Variants in KATNIP observed in about 807,000 individuals in gnomAD.
The protein encoded by KATNIP is katanin interacting protein.
KATNIP carries 126 observed loss-of-function variants against 174.0 expected under a neutral mutation model. That is an observed-to-expected ratio of 0.72 (90% CI 0.63 to 0.84). KATNIP has a LOEUF of 0.84. KATNIP is among the 40% of genes least tolerant of loss of function. The probability of loss-of-function intolerance (pLI) is 0.00; values close to 1 mark genes in which losing one functional copy is unlikely to be tolerated. For missense variants in KATNIP, 1,958 were observed against 2,109.7 expected (o/e 0.93, Z 1.41); for synonymous variants, 810 against 835.7 (o/e 0.97, Z 0.53).
intron 14 of KATNIP, among the ~76,000 whole-genome samples, chr16:27,737,144 A>G (rs1030237831): frequency 6.6e-6 from 1 of 152,188 alleles, no homozygotes; most frequent in African/African-American, 2.4e-5. Context: ...TTGGGAGGCC[A>G]AGGCAGGAGG....
intron 27 of KATNIP, 88 bp from the exon 28 acceptor site, chr16:27,778,486 G>A (rs1282579481): frequency 5.1e-6 from 7 of 1,379,722 alleles, no homozygotes; most frequent in Non-Finnish European, 1.0e-6. Flanking sequence ...TGGCAACCCA[G>A]GCTGCTGGAT....
chr16:27,581,986 C>T (rs1242645264), intron 2 of KATNIP, among the ~76,000 whole-genome samples: 1 of 152,156 alleles, frequency 6.6e-6, no homozygotes, highest in Non-Finnish European at 1.5e-5. Flanking sequence ...TTTACCTACT[C>T]ATTGATTGGT....
chr16:27,581,968 A>G (rs2090717251), intron 2 of KATNIP, among the ~76,000 whole-genome samples: 1 of 152,076 alleles, frequency 6.6e-6, no homozygotes, highest in African/African-American at 2.4e-5. Flanking sequence ...TATACATACC[A>G]CAGTTTCTTT....
chr16:27,764,043 A>G (rs1186081598), intron 19 of KATNIP, among the ~76,000 whole-genome samples: 1 of 152,224 alleles, frequency 6.6e-6, no homozygotes, highest in African/African-American at 2.4e-5. Context: ...GTGATGTTGG[A>G]AGCCAGTCAT....
intron 2 of KATNIP, 48 bp downstream of exon 2, chr16:27,574,004 A>G (rs543628448): frequency 6.5e-7 from 1 of 1,541,810 alleles, no homozygotes; most frequent in Non-Finnish European, 9.0e-7. Flanking sequence ...TCTATTTGAA[A>G]GGACCTGAGG....
At chr16:27,608,795 T>A (rs1473607496) in intron 2 of KATNIP, among the ~76,000 whole-genome samples, 1 of 152,206 alleles carries the variant, frequency 6.6e-6, no homozygotes, top group Non-Finnish European at 1.5e-5. Flanking sequence ...GAGGCTCTGC[T>A]TTCGTGTCAC....
intron 14 of KATNIP, among the ~76,000 whole-genome samples, chr16:27,723,148 G>A (rs1327479053): frequency 3.3e-5 from 5 of 152,112 alleles, no homozygotes; most frequent in African/African-American, 4.8e-5. Context: ...CCTCCTAATC[G>A]CTCCCTTCAG....
At chr16:27,754,847 T>C (rs973891892) in intron 18 of KATNIP, 1 of 152,320 alleles carries the variant, frequency 6.6e-6, no homozygotes, top group Non-Finnish European at 1.5e-5. Context: ...ATGAGCCAAA[T>C]AAAACACTTA....
intron 8 of KATNIP, among the ~76,000 whole-genome samples, chr16:27,690,350 A>ATAGATAGG (rs2078677169): frequency 8.3e-6 from 1 of 120,052 alleles, no homozygotes; most frequent in African/African-American, 3.2e-5. Flanking sequence ...AGATAGATAG[A>ATAGATAGG]TAGATAGATA....
In KATNIP at chr16:27,625,460, G is replaced by A. The variant is rs548910871; in HGVS notation, c.141-3201G>A. 1.2e-4 allele frequency among the ~76,000 whole-genome samples: 19 copies of A among 152,316 alleles called. No individual in the cohort carries two copies. The South Asian group carries it at 2.5e-3, about 20-fold the overall frequency. On this transcript the variant is annotated intron_variant, in intron 3 of 27. Transcript: ENST00000261588. ...TCCTGCTCCCTCCCTGGAGACTGAC[G>A]GTGCCTACATTGTCCCTTGATTGTT...
intron 14 of KATNIP, among the ~76,000 whole-genome samples, chr16:27,730,049 A>G (rs928233056): frequency 1.3e-5 from 2 of 152,218 alleles, no homozygotes; most frequent in African/African-American, 4.8e-5. Flanking sequence ...CTGCAAGCTC[A>G]TGCCCAGGCA....
In KATNIP at chr16:27,750,050, G is replaced by T; in HGVS notation, c.3090G>T (p.Val1030=). 2 of 1,614,198 alleles carry T rather than the reference G, an allele frequency of 1.2e-6. No homozygotes were observed. Among genetic ancestry groups the T allele is most frequent in the Non-Finnish European group, 1.7e-6 (2 of 1,180,042 alleles). ...ILPAYGKDPR[V]VTNLIDGVNR... ...CAGCCTATGGGAAAGACCCCCGCGTGGTCACCAACCTCATCGACGGGGTGA... is the reference window on the plus strand; with the variant it reads ...CAGCCTATGGGAAAGACCCCCGCGTTGTCACCAACCTCATCGACGGGGTGA... Residue 1030 remains valine, a synonymous_variant, in exon 16 of 28, where the codon GTG becomes GTT. Transcript: ENST00000261588.
At chr16:27,596,437 A>C (rs552610700) in intron 2 of KATNIP, among the ~76,000 whole-genome samples, 1 of 152,246 alleles carries the variant, frequency 6.6e-6, no homozygotes, top group African/African-American at 2.4e-5. Flanking sequence ...ATTCAGCTTA[A>C]AACCTAGGAA....
intron 12 of KATNIP, among the ~76,000 whole-genome samples, chr16:27,704,342 T>C (rs1189766116): frequency 2.0e-5 from 3 of 152,210 alleles, no homozygotes; most frequent in Non-Finnish European, 4.4e-5. Context: ...TGACAAATTA[T>C]TTCTGATGAT....
At chr16:27,636,231 C>G (rs997111314) in intron 5 of KATNIP, among the ~76,000 whole-genome samples, 1 of 152,192 alleles carries the variant, frequency 6.6e-6, no homozygotes, top group African/African-American at 2.4e-5. Context: ...TCCTCCTCCC[C>G]ACTAGGCAGC....
rs2082447346 is a variant in KATNIP, at chr16:27,775,072, C to T, written c.4437C>T (p.Ile1479=). 5.0e-6 allele frequency: 8 copies of T among 1,611,818 alleles called. No homozygotes were observed. The East Asian group carries it at 1.8e-4, about 36-fold the overall frequency. Residue 1479 remains isoleucine (I), a synonymous_variant, in exon 24 of 28, where the codon ATC becomes ATT. Transcript: ENST00000261588. ...SDGRHMWLAP[I]LPGLVNRVYV... is the part of the protein sequence containing the mutation. ...GCCGGCACATGTGGCTGGCTCCCAT[C>T]CTGCCGGGCCTGGTGGGTTCCCGGC...
intron 2 of KATNIP, among the ~76,000 whole-genome samples, chr16:27,611,071 C>T (rs1399712852): frequency 1.3e-5 from 2 of 152,172 alleles, no homozygotes; most frequent in Admixed American, 1.3e-4. Flanking sequence ...CCACCTTGGG[C>T]AAATGTCATC....
intron 20 of KATNIP, among the ~76,000 whole-genome samples, chr16:27,767,236 G>A (rs2088235278): frequency 2.0e-5 from 3 of 152,256 alleles, no homozygotes; most frequent in South Asian, 4.2e-4. Flanking sequence ...CGTAACCTCT[G>A]GCACGTGGCC....
At chr16:27,715,378 C>G (rs533407501) in intron 13 of KATNIP, among the ~76,000 whole-genome samples, 1 of 152,138 alleles carries the variant, frequency 6.6e-6, no homozygotes, top group African/African-American at 2.4e-5. Context: ...TTGAATTTGT[C>G]AATGAAGTCT....
Sources: gnomAD v4.1 joint callset for allele counts (sites outside exome capture counted in the v4.1 genomes callset) on GRCh38, gnomAD v4.1.1 for gene constraint, MANE v1.5 for transcripts, NCBI Gene and HGNC (gene_info 2026-07-23, HGNC 2026-07-21) for gene names.